The following PCDHGA1 variants were observed in gnomAD, a reference collection of about 807,000 sequenced individuals.
The protein encoded by PCDHGA1 is protocadherin gamma-A1.
PCDHGA1 carries 32 observed loss-of-function variants against 58.0 expected under a neutral mutation model. The observed-to-expected ratio is 0.55, with a 90% CI of 0.42 to 0.74. PCDHGA1 has a LOEUF of 0.74. Among genes scored for constraint, PCDHGA1 ranks in the 30% least tolerant of loss-of-function variants. PCDHGA1 has a pLI of 0.00. For missense variants in PCDHGA1, 1,205 were observed against 1,182.3 expected (o/e 1.02, Z -0.28); for synonymous variants, 498 against 501.1 (o/e 0.99, Z 0.08).
chr5:141,509,550 T>C (rs1562240751), intron 3 of PCDHGA1, among the ~76,000 whole-genome samples: 1 of 152,142 alleles, frequency 6.6e-6, no homozygotes, highest in Non-Finnish European at 1.5e-5. Flanking sequence ...TCTCATTTAG[T>C]CCTCACAGCA....
At position 141,486,464 on chromosome 5, in the gene PCDHGA1, G is replaced by A; in HGVS notation, c.2422-8343G>A. The A allele has an allele frequency of 1.2e-6, 2 of 1,614,034 alleles. No homozygotes were observed. Among genetic ancestry groups the A allele is most frequent in the Non-Finnish European group, 1.7e-6 (2 of 1,179,946 alleles). On this transcript the variant is annotated intron_variant, in intron 1 of 3. Transcript: ENST00000517417. This position sits in a 1 kb window ranked among gnomAD's most constrained non-coding sequence, Gnocchi z 5.0. ...CATCATGGTCACTGCTTCTGATGCTGGGAACCCTCCTCTCAGTACCCACAG... is the reference window on the plus strand; with the variant it reads ...CATCATGGTCACTGCTTCTGATGCTAGGAACCCTCCTCTCAGTACCCACAG...
At chr5:141,365,047 G>C in intron 1 of PCDHGA1, 2 of 1,613,804 alleles carry the variant, frequency 1.2e-6, no homozygotes, top group Non-Finnish European at 1.7e-6. Context: ...ACGACAATGC[G>C]CCCCTGTTCA....
At chr5:141,421,878 T>C (rs1364225081) in intron 1 of PCDHGA1, 1 of 1,613,612 alleles carries the variant, frequency 6.2e-7, no homozygotes, top group African/African-American at 1.3e-5. Context: ...CAGCTTTAGA[T>C]GGAGGCGATC....
At chr5:141,397,569 G>A (rs996927698) in intron 1 of PCDHGA1, among the ~76,000 whole-genome samples, 2 of 152,162 alleles carry the variant, frequency 1.3e-5, no homozygotes, top group Non-Finnish European at 2.9e-5. Context: ...CTGAGAGCAA[G>A]AACTGTATCA....
intron 1 of PCDHGA1, among the ~76,000 whole-genome samples, chr5:141,456,808 C>CA (rs1316636483): frequency 6.6e-5 from 10 of 151,878 alleles, no homozygotes; most frequent in Admixed American, 6.6e-4. Flanking sequence ...ACTAAAAATA[C>CA]AAAAAATTAG....
In PCDHGA1 at chr5:141,403,333, C is replaced by T. The variant is rs376895778; in HGVS notation, c.2421+70228C>T. On this transcript the variant is annotated intron_variant, in intron 1 of 3. Transcript: ENST00000517417. ...TAGAAATAGAAGTAACTGATATTAA[C>T]GACAGCGCCCCAAAGTTCCAGGCCG... is the stretch of plus-strand genomic sequence containing the variant. 5 of 1,613,866 alleles carry T rather than the reference C, an allele frequency of 3.1e-6. No homozygotes were observed. The African/African-American group carries it at 5.3e-5, about 17-fold the overall frequency.
intron 1 of PCDHGA1, among the ~76,000 whole-genome samples, chr5:141,373,358 T>C (rs1769516017): frequency 6.6e-6 from 1 of 152,204 alleles, no homozygotes; most frequent in Non-Finnish European, 1.5e-5. Flanking sequence ...TAATGGGCAC[T>C]GTAATGAATT....
intron 1 of PCDHGA1, chr5:141,403,237 CTG>C (rs1436614562): frequency 1.2e-6 from 2 of 1,613,942 alleles, no homozygotes; most frequent in Admixed American, 1.7e-5. Flanking sequence ...GGGAGGAGCT[CTG>C]TGCTCAGAGC....
intron 1 of PCDHGA1, chr5:141,404,679 A>G: frequency 6.2e-7 from 1 of 1,614,096 alleles, no homozygotes; most frequent in Admixed American, 1.7e-5. Flanking sequence ...ACTGGTGTGG[A>G]GCTGGCACCC....
At chr5:141,419,024 G>A (rs1423033793) in intron 1 of PCDHGA1, 2 of 1,613,874 alleles carry the variant, frequency 1.2e-6, no homozygotes, top group Admixed American at 1.7e-5. Flanking sequence ...CTTAAGTAGA[G>A]GTGTTCCATT....
Position 141,360,879 on chromosome 5 carries a change from G to T in PCDHGA1, c.2421+27774G>T, listed in dbSNP as rs1761784772. On this transcript the variant is annotated intron_variant, in intron 1 of 3. Coordinates refer to ENST00000517417, the MANE Select transcript of PCDHGA1 (RefSeq NM_018912.3). ...CAGTGTTCAGCCAGGACGTGTACAGGGTCACCCTGAGGGAGGACGTGCCGC... is the reference window on the plus strand; with the variant it reads ...CAGTGTTCAGCCAGGACGTGTACAGTGTCACCCTGAGGGAGGACGTGCCGC... 5.0e-6 allele frequency: 8 copies of T among 1,614,000 alleles called. No individual in the cohort carries two copies. The East Asian group carries it at 1.3e-4, about 27-fold the overall frequency.
intron 1 of PCDHGA1, chr5:141,364,780 A>C (rs1217288326): frequency 6.2e-7 from 1 of 1,614,006 alleles, no homozygotes; most frequent in Non-Finnish European, 8.5e-7. Flanking sequence ...CTGCAGGGAC[A>C]CGGTTAGTGC....
intron 1 of PCDHGA1, among the ~76,000 whole-genome samples, chr5:141,450,816 T>C (rs960010807): frequency 7.9e-6 from 1 of 126,568 alleles, no homozygotes; most frequent in Non-Finnish European, 1.6e-5. Context: ...ATTTATTTAA[T>C]ATTATTATTA....
In PCDHGA1 at chr5:141,432,997, G is replaced by T. The variant is rs778828769; in HGVS notation, c.2422-61810G>T. 17 of 1,614,082 alleles carry T rather than the reference G, an allele frequency of 1.1e-5. No homozygotes were observed. The highest frequency in any genetic ancestry group is 4.5e-5 in the East Asian group (2 of 44,864). ...CGCACTTTGTGGGCGTGGACGGGGT[G>T]CAGGCTTTCCTGCAGACCTATTCCC... On this transcript the variant is annotated intron_variant, in intron 1 of 3. Transcript: ENST00000517417. The surrounding 1 kb of genome is among the most constrained non-coding windows in gnomAD (Gnocchi z 6.0).
chr5:141,392,802 A>G (rs2092597829), intron 1 of PCDHGA1: 7 of 1,572,582 alleles, frequency 4.5e-6, no homozygotes, highest in Non-Finnish European at 6.0e-6. Context: ...AGGATTCTGC[A>G]GCAAAACAAC....
chr5:141,399,908 C>G (rs141997055), intron 1 of PCDHGA1: 2 of 1,612,300 alleles, frequency 1.2e-6, no homozygotes, highest in African/African-American at 1.3e-5. Context: ...GACGCAGACT[C>G]AGGACACAAC....
At chr5:141,389,337 G>T (rs756804360) in intron 1 of PCDHGA1, 7 of 1,614,014 alleles carry the variant, frequency 4.3e-6, no homozygotes, top group Non-Finnish European at 5.9e-6. Flanking sequence ...CAACGGCCAA[G>T]TCTCTTACTG....
chr5:141,478,376 C>T, intron 1 of PCDHGA1: 4 of 1,613,672 alleles, frequency 2.5e-6, no homozygotes, highest in Non-Finnish European at 3.4e-6. Flanking sequence ...CCTGATGTCG[C>T]CGCACCTTTA....
At chr5:141,510,450 T>G (rs1273211856) in intron 3 of PCDHGA1, among the ~76,000 whole-genome samples, 1 of 151,946 alleles carries the variant, frequency 6.6e-6, no homozygotes, top group Non-Finnish European at 1.5e-5. Flanking sequence ...CAGGAGCCCA[T>G]GGTCTAGTGT....
Sources: gnomAD v4.1 joint callset for allele counts (sites outside exome capture counted in the v4.1 genomes callset) on GRCh38, gnomAD v4.1.1 for gene constraint, Gnocchi (gnomAD v3.1) non-coding constraint, MANE v1.5 for transcripts, NCBI Gene and HGNC (gene_info 2026-07-23, HGNC 2026-07-21) for gene names.